The following CTNNA3 variants were observed in gnomAD, a reference collection of about 807,000 sequenced individuals.
CTNNA3 encodes catenin alpha-3.
A neutral mutation model predicts 95.7 loss-of-function variants in CTNNA3; 76 were observed. The observed-to-expected ratio is 0.79, with a 90% CI of 0.66 to 0.96. The LOEUF (loss-of-function observed/expected upper bound fraction) is 0.96. CTNNA3 is among the 40% of genes least tolerant of loss of function. CTNNA3 has a pLI of 0.00. For missense variants in CTNNA3, 1,191 were observed against 1,089.8 expected, an observed-to-expected ratio of 1.09 and a Z score of -1.31; for synonymous variants, 431 against 374.4, an observed-to-expected ratio of 1.15 and a Z score of -1.74.
At chr10:66,663,417 T>G (rs1021846330) in intron 9 of CTNNA3, among the ~76,000 whole-genome samples, 1 of 151,470 alleles carries the variant, frequency 6.6e-6, no homozygotes, top group Non-Finnish European at 1.5e-5. Flanking sequence ...CTTTCTCACT[T>G]AGTTTCTTAC....
Position 66,927,990 on chromosome 10 carries a change from C to T in CTNNA3, c.1048-152466G>A. ...ATGTGATCGATGCAGTGAAGAACTA[C>T]AGCATCTGTGGCAAAAGTACTACAG... On this transcript the variant is annotated intron_variant, in intron 7 of 17. Transcript: ENST00000433211. This position sits in a 1 kb window ranked among gnomAD's most constrained non-coding sequence, Gnocchi z 4.7. The T allele has an allele frequency of 1.9e-6, 3 of 1,614,222 alleles. No homozygotes were observed. The highest frequency in any genetic ancestry group is 1.7e-6 in the Non-Finnish European group (2 of 1,180,046).
intron 2 of CTNNA3, among the ~76,000 whole-genome samples, chr10:67,620,923 GTATATATATATA>G (rs56300519): frequency 0.01 from 1,293 of 123,854 alleles, 33 homozygotes; most frequent in African/African-American, 0.037. Context: ...GTGTGTGTGT[GTATATATATATA>G]TATATATATA....
At chr10:66,652,097 TAAAAAAAAAA>T (rs59359956) in intron 9 of CTNNA3, among the ~76,000 whole-genome samples, 11 of 122,386 alleles carry the variant, frequency 9.0e-5, no homozygotes, top group South Asian at 2.7e-4. Context: ...CTCAAGGAAC[TAAAAAAAAAA>T]AAAAAAAAAA....
chr10:67,202,591 A>G (rs1309568151), intron 6 of CTNNA3, among the ~76,000 whole-genome samples: 2 of 152,188 alleles, frequency 1.3e-5, no homozygotes, highest in African/African-American at 4.8e-5. Flanking sequence ...ATGTTTTACT[A>G]ATTTTTAATG....
intron 9 of CTNNA3, among the ~76,000 whole-genome samples, chr10:66,686,812 A>G (rs1847314010): frequency 6.6e-6 from 1 of 152,180 alleles, no homozygotes; most frequent in African/African-American, 2.4e-5. Flanking sequence ...TGAATCCCTG[A>G]AAAAATACCT....
chr10:67,576,026 A>C (rs1467798231), intron 3 of CTNNA3, among the ~76,000 whole-genome samples: 1 of 152,210 alleles, frequency 6.6e-6, no homozygotes, highest in Non-Finnish European at 1.5e-5. Flanking sequence ...TGAAACAGAG[A>C]ATGAATCAAG....
chr10:66,206,642 T>C (rs887975264), intron 13 of CTNNA3, among the ~76,000 whole-genome samples: 8 of 151,952 alleles, frequency 5.3e-5, no homozygotes, highest in African/African-American at 1.9e-4. Context: ...TAAACATATA[T>C]AACCCATATA....
intron 13 of CTNNA3, among the ~76,000 whole-genome samples, chr10:66,110,686 A>G (rs2082089600): frequency 6.6e-6 from 1 of 152,190 alleles, no homozygotes. Flanking sequence ...TGCTAATCTA[A>G]GTTTGCTTGA....
intron 13 of CTNNA3, among the ~76,000 whole-genome samples, chr10:66,156,363 A>T (rs1207174054): frequency 6.6e-6 from 1 of 152,022 alleles, no homozygotes; most frequent in African/African-American, 2.4e-5. Context: ...ACCACACTTT[A>T]CAAATACCGC....
At chr10:66,615,331 A>G (rs1844472856) in intron 10 of CTNNA3, among the ~76,000 whole-genome samples, 1 of 152,002 alleles carries the variant, frequency 6.6e-6, no homozygotes, top group Non-Finnish European at 1.5e-5. Context: ...CTTACACTAC[A>G]AAAAGATCAA....
chr10:66,340,218 C>G (rs144800009), intron 12 of CTNNA3, among the ~76,000 whole-genome samples: 4 of 151,830 alleles, frequency 2.6e-5, no homozygotes, highest in East Asian at 3.9e-4. Context: ...TGTTACATCT[C>G]CAAAACAATA....
intron 11 of CTNNA3, among the ~76,000 whole-genome samples, chr10:66,514,971 G>T (rs918029877): frequency 3.3e-5 from 5 of 151,932 alleles, no homozygotes; most frequent in Admixed American, 3.3e-4. Flanking sequence ...AACTGCAATG[G>T]ATAAACAGAA....
intron 5 of CTNNA3, among the ~76,000 whole-genome samples, chr10:67,370,215 T>C (rs1843370790): frequency 6.6e-6 from 1 of 152,034 alleles, no homozygotes; most frequent in Non-Finnish European, 1.5e-5. Flanking sequence ...GATCTCTATA[T>C]GCTGATGTGG....
chr10:67,493,615 A>G (rs1157041939), intron 5 of CTNNA3, among the ~76,000 whole-genome samples: 1 of 151,946 alleles, frequency 6.6e-6, no homozygotes, highest in Non-Finnish European at 1.5e-5. Context: ...TTTTTAAGGT[A>G]TATATTAACA....
upstream of CTNNA3, among the ~76,000 whole-genome samples, chr10:67,699,111 C>T (rs758584029): frequency 6.6e-6 from 1 of 152,200 alleles, no homozygotes; most frequent in Non-Finnish European, 1.5e-5. Context: ...TTTTCAAGGA[C>T]TCTGCTCCTT....
chr10:66,724,960 C>A (rs544592523), intron 9 of CTNNA3, among the ~76,000 whole-genome samples: 1 of 152,162 alleles, frequency 6.6e-6, no homozygotes, highest in East Asian at 1.9e-4. Flanking sequence ...CCCATGGACA[C>A]CAAAATTCAT....
At chr10:66,028,254 C>T (rs1202910182) in intron 15 of CTNNA3, among the ~76,000 whole-genome samples, 1 of 152,176 alleles carries the variant, frequency 6.6e-6, no homozygotes, top group Non-Finnish European at 1.5e-5. Flanking sequence ...TGGGTATATA[C>T]CCAAAGGATT....
chr10:66,737,173 A>C (rs1016529962), intron 9 of CTNNA3, among the ~76,000 whole-genome samples: 1 of 152,122 alleles, frequency 6.6e-6, no homozygotes, highest in Non-Finnish European at 1.5e-5. Flanking sequence ...AACACACACT[A>C]GTGTAAAATA....
intron 9 of CTNNA3, among the ~76,000 whole-genome samples, chr10:66,764,564 G>C (rs1332980256): frequency 6.6e-6 from 1 of 152,140 alleles, no homozygotes; most frequent in Non-Finnish European, 1.5e-5. Flanking sequence ...ATAGGAAGAG[G>C]AATTCAATTT....
Sources: allele counts gnomAD v4.1 joint callset (sites outside exome capture counted in the v4.1 genomes callset), GRCh38; gene constraint gnomAD v4.1.1; non-coding constraint Gnocchi (gnomAD v3.1); transcripts MANE v1.5; gene names NCBI Gene and HGNC (gene_info 2026-07-23, HGNC 2026-07-21).